Variants in PTPRM observed in about 807,000 individuals in gnomAD.
PTPRM encodes the protein receptor-type tyrosine-protein phosphatase mu.
In PTPRM, 47 loss-of-function variants were observed where a neutral mutation model predicts 186.7. That is an observed-to-expected ratio of 0.25 (90% CI 0.20 to 0.32). The LOEUF (loss-of-function observed/expected upper bound fraction) is 0.32, where lower values mean the gene tolerates loss of function less well. Among genes scored for constraint, PTPRM ranks in the 10% least tolerant of loss-of-function variants. The probability of loss-of-function intolerance (pLI) is 1.00; values close to 1 mark genes in which losing one functional copy is unlikely to be tolerated. For synonymous variants in PTPRM, 668 were observed against 674.9 expected (o/e 0.99, Z 0.16); for missense variants, 1,494 against 1,865.0 (o/e 0.80, Z 3.66).
intron 5 of PTPRM, among the ~76,000 whole-genome samples, chr18:7,939,735 C>A (rs1239928560): frequency 6.6e-6 from 1 of 152,154 alleles, no homozygotes; most frequent in Non-Finnish European, 1.5e-5. Flanking sequence ...TTGTTCCCAA[C>A]AACTGTGTCC....
intron 23 of PTPRM, chr18:8,367,148 T>C (rs945414040): frequency 6.6e-6 from 1 of 151,978 alleles, no homozygotes; most frequent in African/African-American, 2.4e-5. Context: ...AGCAAAATAA[T>C]AACTTGACAC....
intron 13 of PTPRM, among the ~76,000 whole-genome samples, chr18:8,131,687 T>C (rs1181097525): frequency 6.6e-6 from 1 of 152,198 alleles, no homozygotes; most frequent in African/African-American, 2.4e-5. Context: ...ATTATAGATA[T>C]CTTATGTAAT....
At chr18:8,243,930 A>G (rs79657413) in intron 14 of PTPRM, 128 bp from the exon 15 acceptor site, 14,848 of 911,768 alleles carry the variant, frequency 0.016, 216 homozygotes, top group East Asian at 0.057. Context: ...ATAAGGCACT[A>G]TACATCCATC....
intron 19 of PTPRM, among the ~76,000 whole-genome samples, chr18:8,292,360 C>A (rs1257600512): frequency 6.6e-6 from 1 of 152,186 alleles, no homozygotes; most frequent in African/African-American, 2.4e-5. Context: ...GGCAACCAAT[C>A]TAGAAAGCCT....
intron 1 of PTPRM, among the ~76,000 whole-genome samples, chr18:7,647,088 C>T (rs1226031098): frequency 1.3e-5 from 2 of 152,040 alleles, no homozygotes; most frequent in African/African-American, 2.4e-5. Context: ...ACAGTGATAC[C>T]GGGGTGGGTG....
At chr18:8,335,891 G>T (rs945353340) in intron 22 of PTPRM, among the ~76,000 whole-genome samples, 1 of 152,046 alleles carries the variant, frequency 6.6e-6, no homozygotes, top group Non-Finnish European at 1.5e-5. Context: ...GCGTGGTAGC[G>T]CACGCCTGTA....
intron 1 of PTPRM, among the ~76,000 whole-genome samples, chr18:7,635,392 C>G (rs9946337): frequency 0.1 from 15,970 of 152,126 alleles, 1,450 homozygotes; most frequent in African/African-American, 0.24. Flanking sequence ...CTGATATTTT[C>G]TATAAAGTGC....
intron 10 of PTPRM, among the ~76,000 whole-genome samples, chr18:8,086,264 AG>A (rs2090429378): frequency 6.6e-6 from 1 of 152,112 alleles, no homozygotes; most frequent in African/African-American, 2.4e-5. Flanking sequence ...TGCTTCCTGA[AG>A]GATCAGCCTC....
At chr18:7,913,528 A>G (rs2050391936) in intron 4 of PTPRM, among the ~76,000 whole-genome samples, 1 of 152,156 alleles carries the variant, frequency 6.6e-6, no homozygotes, top group Admixed American at 6.5e-5. Context: ...GGATGTTTTT[A>G]TCAAGAAATG....
chr18:7,981,235 C>G (rs1350280999), intron 7 of PTPRM, among the ~76,000 whole-genome samples: 1 of 152,124 alleles, frequency 6.6e-6, no homozygotes, highest in East Asian at 1.9e-4. Flanking sequence ...CCTAAGCAAT[C>G]TCTGGACAAT....
intron 19 of PTPRM, among the ~76,000 whole-genome samples, chr18:8,267,851 C>G (rs1050909900): frequency 6.6e-6 from 1 of 152,086 alleles, no homozygotes; most frequent in Non-Finnish European, 1.5e-5. Flanking sequence ...AAGATTATTT[C>G]CTTATTGTTC....
In PTPRM at chr18:7,641,559, C is replaced by T. The variant is rs562802905; in HGVS notation, c.73+73668C>T. 5.3e-5 allele frequency among the ~76,000 whole-genome samples: 8 copies of T among 152,268 alleles called. No homozygotes were observed. The South Asian group carries it at 6.2e-4, about 12-fold the overall frequency. On this transcript the variant is annotated intron_variant, in intron 1 of 32. Transcript: ENST00000580170. ...ATCATACCCATATGTAAAACTAGAG[C>T]GGTGGCATGAATCCCAAGAAGTGGG...
At chr18:7,699,521 G>A (rs1283145852) in intron 1 of PTPRM, among the ~76,000 whole-genome samples, 1 of 152,030 alleles carries the variant, frequency 6.6e-6, no homozygotes. Context: ...TGATTCTCCT[G>A]CCTCAGCCTC....
chr18:7,633,054 C>T (rs2038228325), intron 1 of PTPRM, among the ~76,000 whole-genome samples: 1 of 152,142 alleles, frequency 6.6e-6, no homozygotes, highest in South Asian at 2.1e-4. Context: ...AGCAGAAAAA[C>T]GGTAGAGCAA....
At chr18:7,908,312 G>T (rs1403982866) in intron 4 of PTPRM, among the ~76,000 whole-genome samples, 2 of 152,174 alleles carry the variant, frequency 1.3e-5, no homozygotes, top group Non-Finnish European at 2.9e-5. Flanking sequence ...TGGCATTAAA[G>T]AGAAACTGGC....
intron 20 of PTPRM, among the ~76,000 whole-genome samples, chr18:8,300,299 T>C (rs1339215341): frequency 6.6e-6 from 1 of 152,144 alleles, no homozygotes; most frequent in East Asian, 1.9e-4. Context: ...TTTGGAGTCC[T>C]TGTCCTACCA....
intron 1 of PTPRM, among the ~76,000 whole-genome samples, chr18:7,669,802 A>G (rs895207755): frequency 1.3e-5 from 2 of 152,122 alleles, no homozygotes; most frequent in African/African-American, 2.4e-5. Flanking sequence ...GGCTTACTGC[A>G]ACCTCCACCT....
chr18:8,057,177 A>G (rs2088035915), intron 7 of PTPRM, among the ~76,000 whole-genome samples: 1 of 151,434 alleles, frequency 6.6e-6, no homozygotes, highest in South Asian at 2.1e-4. Flanking sequence ...TTTGAATAGG[A>G]AGTAGGAAGG....
chr18:8,366,954 G>GTTCCTTGGTTCCT (rs2095633448), intron 23 of PTPRM: 1 of 152,268 alleles, frequency 6.6e-6, no homozygotes, highest in African/African-American at 2.4e-5. Context: ...ATCAGAGCAG[G>GTTCCTTGGTTCCT]GACGCCTCCC....
Sources: allele counts gnomAD v4.1 joint callset (sites outside exome capture counted in the v4.1 genomes callset), GRCh38; gene constraint gnomAD v4.1.1; transcripts MANE v1.5; gene names NCBI Gene and HGNC (gene_info 2026-07-23, HGNC 2026-07-21).